MAGI2: variants seen among roughly 807,000 people sequenced by gnomAD.
MAGI2 encodes membrane-associated guanylate kinase, WW and PDZ domain-containing protein 2.
A neutral mutation model predicts 133.3 loss-of-function variants in MAGI2; 35 were observed. The ratio of observed to expected loss-of-function variants is 0.26; its 90% CI spans 0.20 to 0.35. The LOEUF is 0.35. Ranked by LOEUF, MAGI2 falls within the 10% of genes least tolerant of loss-of-function variation. The pLI is 1.00. For missense variants in MAGI2, 1,636 were observed against 1,863.4 expected, an observed-to-expected ratio of 0.88 and a Z score of 2.25; for synonymous variants, 729 against 710.6, an observed-to-expected ratio of 1.03 and a Z score of -0.41.
At chr7:79,442,686 C>A (rs1848570226) in intron 1 of MAGI2, among the ~76,000 whole-genome samples, 1 of 152,116 alleles carries the variant, frequency 6.6e-6, no homozygotes, top group African/African-American at 2.4e-5. Context: ...TTTGATAAAG[C>A]TCTTGCTCTT....
chr7:78,093,409 G>A (rs928313619), intron 20 of MAGI2, among the ~76,000 whole-genome samples: 2 of 151,828 alleles, frequency 1.3e-5, no homozygotes, highest in African/African-American at 4.8e-5. Context: ...ATCCGAGATC[G>A]TGCCACTGCA....
chr7:78,348,619 TA>T (rs910397697), intron 7 of MAGI2, among the ~76,000 whole-genome samples: 2 of 152,112 alleles, frequency 1.3e-5, no homozygotes, highest in South Asian at 2.1e-4. Flanking sequence ...TTTATTCACT[TA>T]AAAAAAATCC....
At chr7:79,369,730 T>C (rs896725517) in intron 1 of MAGI2, among the ~76,000 whole-genome samples, 4 of 152,220 alleles carry the variant, frequency 2.6e-5, no homozygotes, top group Admixed American at 6.5e-5. Flanking sequence ...TGCACATCGA[T>C]ACATATGTGT....
chr7:78,674,922 T>C (rs538852958), intron 2 of MAGI2, among the ~76,000 whole-genome samples: 1 of 152,090 alleles, frequency 6.6e-6, no homozygotes, highest in Non-Finnish European at 1.5e-5. Context: ...TATAAAAAGC[T>C]CTTAAGAAGA....
At chr7:78,645,572 A>G (rs1156644238) in intron 2 of MAGI2, among the ~76,000 whole-genome samples, 3 of 152,046 alleles carry the variant, frequency 2.0e-5, no homozygotes, top group Non-Finnish European at 4.4e-5. Flanking sequence ...TTTTATGGAT[A>G]CAGAAAGAAA....
intron 1 of MAGI2, among the ~76,000 whole-genome samples, chr7:79,152,498 A>G (rs1823347383): frequency 6.6e-6 from 1 of 152,238 alleles, no homozygotes; most frequent in Non-Finnish European, 1.5e-5. Context: ...TAAATTATGC[A>G]AGTAAGTGCT....
At chr7:78,699,964 G>A (rs185281778) in intron 2 of MAGI2, among the ~76,000 whole-genome samples, 40 of 152,146 alleles carry the variant, frequency 2.6e-4, no homozygotes, top group Admixed American at 2.2e-3. Context: ...TAAAAACCAT[G>A]AATTTCTCTC....
At chr7:79,201,313 G>T (rs1423798560) in intron 1 of MAGI2, among the ~76,000 whole-genome samples, 2 of 151,960 alleles carry the variant, frequency 1.3e-5, no homozygotes, top group African/African-American at 4.8e-5. Context: ...CATTAACATA[G>T]CATTCACCTT....
intron 1 of MAGI2, among the ~76,000 whole-genome samples, chr7:79,258,283 A>T (rs1347087510): frequency 1.3e-5 from 2 of 152,250 alleles, no homozygotes; most frequent in Admixed American, 6.5e-5. Flanking sequence ...TTGTCCAGAA[A>T]GTCATTTCTA....
At chr7:78,025,369 T>C (rs939773524) in intron 21 of MAGI2, among the ~76,000 whole-genome samples, 3 of 152,232 alleles carry the variant, frequency 2.0e-5, no homozygotes, top group Non-Finnish European at 2.9e-5. Context: ...TTATAATGTG[T>C]AATTATACTT....
chr7:78,720,859 A>G (rs1820200096), intron 2 of MAGI2, among the ~76,000 whole-genome samples: 1 of 152,150 alleles, frequency 6.6e-6, no homozygotes. Flanking sequence ...CTGTGGTTCC[A>G]CAAAGGATAT....
At chr7:78,594,173 C>T (rs908654089) in intron 3 of MAGI2, among the ~76,000 whole-genome samples, 1 of 152,192 alleles carries the variant, frequency 6.6e-6, no homozygotes, top group Non-Finnish European at 1.5e-5. Flanking sequence ...AAGCTGCTCT[C>T]AGTTTGCCGG....
chr7:79,171,770 A>ATCTATATATATATATATATATTTTT, intron 1 of MAGI2, among the ~76,000 whole-genome samples: 1 of 31,204 alleles, frequency 3.2e-5, no homozygotes. Context: ...ATATATATAT[A>ATCTATATATATATATATATATTTTT]TTTTTTTTTT....
chr7:78,498,958 A>G (rs1794373994), intron 5 of MAGI2, among the ~76,000 whole-genome samples: 1 of 152,002 alleles, frequency 6.6e-6, no homozygotes, highest in African/African-American at 2.4e-5. Context: ...TGTTTCCTCC[A>G]TTTTGTTTTA....
chr7:78,733,829 G>A (rs937251483), intron 2 of MAGI2, among the ~76,000 whole-genome samples: 1 of 152,100 alleles, frequency 6.6e-6, no homozygotes, highest in South Asian at 2.1e-4. Context: ...TAAGTGAAGT[G>A]CAGGTATAAA....
chr7:79,252,797 C>A (rs1833408945), intron 1 of MAGI2, among the ~76,000 whole-genome samples: 1 of 151,988 alleles, frequency 6.6e-6, no homozygotes, highest in Non-Finnish European at 1.5e-5. Context: ...TATTAAGAGA[C>A]AAATTCTTAC....
intron 1 of MAGI2, among the ~76,000 whole-genome samples, chr7:79,344,509 C>A (rs1378028563): frequency 6.6e-6 from 1 of 152,022 alleles, no homozygotes; most frequent in African/African-American, 2.4e-5. Flanking sequence ...GCATTTCAGT[C>A]AGGTTTACAG....
At chr7:78,699,284 A>G (rs189851461) in intron 2 of MAGI2, among the ~76,000 whole-genome samples, 1 of 152,266 alleles carries the variant, frequency 6.6e-6, no homozygotes, top group African/African-American at 2.4e-5. Flanking sequence ...AATTTTGTGT[A>G]GTGATAAGGT....
intron 1 of MAGI2, among the ~76,000 whole-genome samples, chr7:79,021,532 C>T (rs1216983827): frequency 6.6e-6 from 1 of 152,122 alleles, no homozygotes; most frequent in Non-Finnish European, 1.5e-5. Flanking sequence ...TAATGACTGC[C>T]CTATTGGATT....
Sources: allele counts gnomAD v4.1 joint callset (sites outside exome capture counted in the v4.1 genomes callset), GRCh38; gene constraint gnomAD v4.1.1; transcripts MANE v1.5; gene names NCBI Gene and HGNC (gene_info 2026-07-23, HGNC 2026-07-21).